Variants in PGM5 observed in about 807,000 individuals in gnomAD.
PGM5 encodes phosphoglucomutase 5.
A neutral mutation model predicts 59.2 loss-of-function variants in PGM5; 23 were observed. That is an observed-to-expected ratio of 0.39 (90% CI 0.28 to 0.55). PGM5 has a LOEUF of 0.55. Ranked by LOEUF, PGM5 falls within the 20% of genes least tolerant of loss-of-function variation. The pLI is 0.66. For missense variants in PGM5, 574 were observed against 748.3 expected, an observed-to-expected ratio of 0.77 and a Z score of 2.72; for synonymous variants, 214 against 286.0, an observed-to-expected ratio of 0.75 and a Z score of 2.54.
intron 6 of PGM5, among the ~76,000 whole-genome samples, chr9:68,401,194 G>C (rs1175647214): frequency 6.6e-6 from 1 of 152,092 alleles, no homozygotes; most frequent in East Asian, 1.9e-4. Context: ...AATCCTCTTG[G>C]AAATGCTGGA....
rs375317379 is a variant in PGM5, at chr9:68,437,734, A to G, written c.1044-27359A>G. 2.6e-5 allele frequency among the ~76,000 whole-genome samples: 4 copies of G among 152,276 alleles called. No homozygotes were observed. The highest frequency in any genetic ancestry group is 9.6e-5 in the African/African-American group (4 of 41,558). On this transcript the variant is annotated intron_variant, in intron 6 of 10. Transcript: ENST00000396396. The surrounding 1 kb of genome is among the most constrained non-coding windows in gnomAD (Gnocchi z 4.1). ...AGTTTTATTTTTGAATTATGTTGCTAACCTTTAAAAATGGGGATATTTCAT... is the reference window on the plus strand; with the variant it reads ...AGTTTTATTTTTGAATTATGTTGCTGACCTTTAAAAATGGGGATATTTCAT...
intron 7 of PGM5, 69 bp downstream of exon 7, chr9:68,465,277 C>A: frequency 9.7e-7 from 1 of 1,027,022 alleles, no homozygotes; most frequent in Non-Finnish European, 1.5e-6. Context: ...GTTTGGAGAT[C>A]TGTGAACTTT....
intron 6 of PGM5, among the ~76,000 whole-genome samples, chr9:68,434,582 G>A (rs957957040): frequency 3.3e-5 from 5 of 152,054 alleles, no homozygotes; most frequent in African/African-American, 1.2e-4. Context: ...CGAGGCAAGT[G>A]GATCACCCGA....
At chr9:68,376,549 T>C (rs1413615889) in intron 1 of PGM5, among the ~76,000 whole-genome samples, 1 of 151,534 alleles carries the variant, frequency 6.6e-6, no homozygotes, top group Non-Finnish European at 1.5e-5. Context: ...TATCTTTTTT[T>C]CCCCTGATCT....
intron 6 of PGM5, among the ~76,000 whole-genome samples, chr9:68,457,358 G>C (rs1013709049): frequency 6.6e-6 from 1 of 152,112 alleles, no homozygotes; most frequent in South Asian, 2.1e-4. Context: ...AAATACCATA[G>C]CAAGGAACAG....
At chr9:68,420,206 A>T (rs1823104316) in intron 6 of PGM5, among the ~76,000 whole-genome samples, 1 of 152,000 alleles carries the variant, frequency 6.6e-6, no homozygotes, top group Non-Finnish European at 1.5e-5. Context: ...CCAGCAGCAA[A>T]CCTCTGAGGC....
chr9:68,419,631 T>A (rs1823094744), intron 6 of PGM5, among the ~76,000 whole-genome samples: 1 of 152,268 alleles, frequency 6.6e-6, no homozygotes, highest in African/African-American at 2.4e-5. Context: ...TTAGCTTTGC[T>A]TAGAAGCATT....
At chr9:68,382,526 A>G (rs531087027) in intron 2 of PGM5, among the ~76,000 whole-genome samples, 2 of 151,906 alleles carry the variant, frequency 1.3e-5, no homozygotes, top group Admixed American at 6.6e-5. Flanking sequence ...ACCTCAAACT[A>G]AAAAGCTTTT....
chr9:68,387,533 G>C lies in PGM5; in HGVS notation c.642G>C (p.Lys214Asn), dbSNP rs1822256171. The C allele has an allele frequency of 1.9e-6, 3 of 1,612,152 alleles. No individual in the cohort carries two copies. Among genetic ancestry groups the C allele is most frequent in the South Asian group, 2.2e-5 (2 of 91,034 alleles). Residue 214 changes from lysine (K) to asparagine (N), a missense_variant, in exon 4 of 11, where the codon AAG (lysine) becomes AAC (asparagine). By Grantham distance (94) the Lys-to-Asn change is moderately conservative. Transcript: ENST00000396396. ...CCATCTTTGACTTTCATGCCATCAA[G>C]GGTTTGCTGACTGGACCCAGCCAAC... ...LRTIFDFHAI[K>N]GLLTGPSQLK... is the part of the protein sequence containing the mutation.
intron 1 of PGM5, among the ~76,000 whole-genome samples, chr9:68,368,684 A>T (rs1834727157): frequency 1.3e-5 from 2 of 151,862 alleles, no homozygotes; most frequent in Non-Finnish European, 1.5e-5. Flanking sequence ...TTGTTCTGTC[A>T]TCCAGGCTGG....
intron 1 of PGM5, among the ~76,000 whole-genome samples, chr9:68,361,031 G>A (rs1237217307): frequency 6.6e-6 from 1 of 152,096 alleles, no homozygotes; most frequent in African/African-American, 2.4e-5. Context: ...TGATCTTCCT[G>A]CCTCAGCTTC....
At chr9:68,509,622 G>A (rs1824713498) in intron 10 of PGM5, among the ~76,000 whole-genome samples, 1 of 152,240 alleles carries the variant, frequency 6.6e-6, no homozygotes, top group African/African-American at 2.4e-5. Context: ...GGAAGCGCCA[G>A]CGTCGGACAG....
At chr9:68,423,643 C>G (rs1219206015) in intron 6 of PGM5, among the ~76,000 whole-genome samples, 2 of 102,290 alleles carry the variant, frequency 2.0e-5, no homozygotes, top group East Asian at 5.6e-4. Flanking sequence ...CTCTCTCTCT[C>G]TCTCTCTCTC....
intron 2 of PGM5, among the ~76,000 whole-genome samples, chr9:68,378,925 C>G (rs1265344077): frequency 3.3e-5 from 5 of 151,860 alleles, no homozygotes; most frequent in African/African-American, 1.2e-4. Context: ...ATTGAACACA[C>G]AAAAAAATAG....
intron 10 of PGM5, among the ~76,000 whole-genome samples, chr9:68,515,849 T>A (rs1824815787): frequency 6.6e-6 from 1 of 152,272 alleles, no homozygotes; most frequent in Non-Finnish European, 1.5e-5. Context: ...GGGACTGGTA[T>A]GCTGGTCCAC....
At chr9:68,385,401 T>A (rs1822191772) in intron 3 of PGM5, among the ~76,000 whole-genome samples, 1 of 152,202 alleles carries the variant, frequency 6.6e-6, no homozygotes, top group Admixed American at 6.5e-5. Context: ...AGGAAATACC[T>A]GGTTTGTGTC....
At chr9:68,372,495 C>T (rs1472056798) in intron 1 of PGM5, among the ~76,000 whole-genome samples, 1 of 152,060 alleles carries the variant, frequency 6.6e-6, no homozygotes, top group African/African-American at 2.4e-5. Flanking sequence ...CATAAGGAGA[C>T]TCAGTGTTGG....
At chr9:68,503,680 G>C (rs1554688818) in intron 10 of PGM5, among the ~76,000 whole-genome samples, 1 of 152,158 alleles carries the variant, frequency 6.6e-6, no homozygotes, top group African/African-American at 2.4e-5. Context: ...AAGAAAACTA[G>C]CAATGAAACC....
chr9:68,462,161 C>CT (rs1409987322), intron 6 of PGM5, among the ~76,000 whole-genome samples: 2 of 152,118 alleles, frequency 1.3e-5, no homozygotes, highest in East Asian at 3.9e-4. Context: ...GGTTACCTTT[C>CT]TTTTTTTCCC....
Sources: gnomAD v4.1 joint callset for allele counts (sites outside exome capture counted in the v4.1 genomes callset) on GRCh38, gnomAD v4.1.1 for gene constraint, Gnocchi (gnomAD v3.1) non-coding constraint, MANE v1.5 for transcripts, NCBI Gene and HGNC (gene_info 2026-07-23, HGNC 2026-07-21) for gene names.